Variants in EIF4A3 observed in about 807,000 individuals in gnomAD.
EIF4A3 encodes the protein eukaryotic initiation factor 4A-III.
A neutral mutation model predicts 55.6 loss-of-function variants in EIF4A3; 1 was observed. The observed-to-expected ratio is 0.02, with a 90% CI of 0.01 to 0.09. The LOEUF (loss-of-function observed/expected upper bound fraction) is 0.09, where lower values mean the gene tolerates loss of function less well. EIF4A3 is among the 10% of genes least tolerant of loss of function. EIF4A3 has a pLI of 1.00. For synonymous variants in EIF4A3, 194 were observed against 196.3 expected (o/e 0.99, Z 0.10); for missense variants, 221 against 540.7 (o/e 0.41, Z 5.86).
At chr17:80,144,490 T>C (rs1355474539) in intron 1 of EIF4A3, among the ~76,000 whole-genome samples, 3 of 149,570 alleles carry the variant, frequency 2.0e-5, no homozygotes, top group Non-Finnish European at 4.5e-5. Flanking sequence ...AATTGTAGAA[T>C]ATAGACAACA....
intron 4 of EIF4A3, 41 bp downstream of exon 4, chr17:80,141,278 A>C: frequency 6.4e-7 from 1 of 1,571,886 alleles, no homozygotes; most frequent in Non-Finnish European, 8.7e-7. Flanking sequence ...TCACAAAAGC[A>C]GTACTTGTTA....
chr17:80,140,023 G>A lies in EIF4A3; in HGVS notation c.490C>T (p.Pro164Ser), dbSNP rs777174636. The change falls in exon 5 of 12, where the codon CCA becomes TCA. Residue 164 changes from proline (P) to serine (S), a missense_variant. Transcript: ENST00000649764. ...DYGQHVVAGTPGRVFDMIRRR... is the reference protein window; with the variant it reads ...DYGQHVVAGTSGRVFDMIRRR... ...AAGTGCTTACCAAAAACACGCCCTG[G>A]AGTGCCCGCGACAACATGCTGTCCG... The A allele has an allele frequency of 6.2e-7, 1 of 1,612,578 alleles. No individual in the cohort carries two copies. The highest frequency in any genetic ancestry group is 8.5e-7 in the Non-Finnish European group (1 of 1,179,592).
At position 80,138,295 on chromosome 17, in the gene EIF4A3, C is replaced by G. The variant is rs1436249497; in HGVS notation, c.729-15G>C. 1 of 1,613,194 alleles carries G rather than the reference C, an allele frequency of 6.2e-7. No homozygotes were observed. Among genetic ancestry groups the G allele is most frequent in the East Asian group, 2.2e-5 (1 of 44,882 alleles). ...TCAATTCATCACTGAAGGACAAAGA[C>G]AAATCCTGTTACATACTCATCCTTC... is the stretch of plus-strand genomic sequence containing the variant. On this transcript the variant is annotated splice_polypyrimidine_tract_variant and intron_variant, in intron 7 of 11. Coordinates refer to ENST00000649764, the MANE Select transcript of EIF4A3 (RefSeq NM_014740.4).
At chr17:80,140,932 A>C (rs12452246) in intron 4 of EIF4A3, among the ~76,000 whole-genome samples, 43,417 of 151,844 alleles carry the variant, frequency 0.29, 6,340 homozygotes, top group Middle Eastern at 0.38. Flanking sequence ...AGTAGCTGGG[A>C]TTACAGGCGC....
chr17:80,144,043 G>T, intron 2 of EIF4A3, 129 bp downstream of exon 2: 2 of 867,990 alleles, frequency 2.3e-6, no homozygotes, highest in Non-Finnish European at 3.8e-6. Flanking sequence ...AAACCCTGTG[G>T]CTAAAGTCAG....
chr17:80,146,632 G>T (rs545394962), intron 1 of EIF4A3, among the ~76,000 whole-genome samples, 161 bp downstream of exon 1: 1 of 152,122 alleles, frequency 6.6e-6, no homozygotes, highest in Non-Finnish European at 1.5e-5. Flanking sequence ...GGGCGAGGAC[G>T]GGGGTGGGGG....
At position 80,139,742 on chromosome 17, in the gene EIF4A3, G is replaced by A. The variant is rs200525685; in HGVS notation, c.514C>T (p.Arg172Cys). 9.3e-6 allele frequency: 15 copies of A among 1,612,796 alleles called. No homozygotes were observed. The highest frequency in any genetic ancestry group is 1.3e-5 in the African/African-American group (1 of 74,792). ...GTPGRVFDMI[R>C]RRSLRTRAIK... ...GCACGTGTCCTTAGGCTTCTGCGAC[G>A]AATCATATCTATAACATGAGATTTT... is the stretch of plus-strand genomic sequence containing the variant. The change falls in exon 6 of 12, where the codon CGT (arginine) becomes TGT (cysteine). Residue 172 changes from arginine (R) to cysteine (C), a missense_variant. This residue lies in a region of EIF4A3 where 85 missense variants were observed against 205.8 expected (regional missense o/e 0.41). Transcript: ENST00000649764.
Position 80,135,493 on chromosome 17 carries a change from G to T in EIF4A3, c.1233C>A (p.Ile411=). 7 of 1,558,032 alleles carry T rather than the reference G, an allele frequency of 4.5e-6. No homozygotes were observed. Among genetic ancestry groups the T allele is most frequent in the Non-Finnish European group, 6.1e-6 (7 of 1,150,104 alleles). Residue 411 remains isoleucine, a synonymous_variant, in exon 12 of 12, where the codon ATC becomes ATA. Coordinates refer to ENST00000649764, the MANE Select transcript of EIF4A3 (RefSeq NM_014740.4). ...DEMPMNVADL[I] Reference sequence around the variant, plus strand: ...CTCATCCCACTGATCTGCTGCTTCAGATAAGATCAGCAACTGAAAGTGAAG... The same window carrying T: ...CTCATCCCACTGATCTGCTGCTTCATATAAGATCAGCAACTGAAAGTGAAG...
chr17:80,139,712 T>C lies in EIF4A3; in HGVS notation c.544A>G (p.Lys182Glu), dbSNP rs377598321. The C allele has an allele frequency of 6.2e-7, 1 of 1,613,944 alleles. No homozygotes were observed. The highest frequency in any genetic ancestry group is 1.3e-5 in the African/African-American group (1 of 74,920). ...TCAGCTTCATCCAAAACCAACATTT[T>C]GATAGCACGTGTCCTTAGGCTTCTG... ...RRRSLRTRAI[K>E]MLVLDEADEM... The change falls in exon 6 of 12, where the codon AAA becomes GAA. Residue 182 changes from lysine to glutamate, a missense_variant. By Grantham distance (56) the Lys-to-Glu change is moderately conservative (BLOSUM62 1). This residue lies in a region of EIF4A3 where 85 missense variants were observed against 205.8 expected (regional missense o/e 0.41). Transcript: ENST00000649764.
At chr17:80,138,615 G>A (rs1383332470) in intron 7 of EIF4A3, 1 of 350,004 alleles carries the variant, frequency 2.9e-6, no homozygotes, top group Non-Finnish European at 5.3e-6. Context: ...TGTTTTGTTT[G>A]AGACAGGGTC....
intron 5 of EIF4A3, 82 bp downstream of exon 5, chr17:80,139,925 CA>C: frequency 6.4e-7 from 1 of 1,556,012 alleles, no homozygotes. Context: ...TGCGGCCTAC[CA>C]AATCGAAAGC....
rs561292948 is a variant in EIF4A3, at chr17:80,147,088, T to C, written c.-127A>G. ...CGCTGTGCCGCTGCCGACCTCGCTG[T>C]GCCGCTGCCGACCTCGCTGTGCCGC... On this transcript the variant is annotated 5_prime_UTR_variant, in exon 1 of 12. Transcript: ENST00000649764. The C allele has an allele frequency of 8.1e-4, 1,070 of 1,316,406 alleles. 11 individuals carry two copies. Among genetic ancestry groups the C allele is most frequent in the African/African-American group, 3.8e-3 (217 of 56,958 alleles). The allele number at this position is 1,316,406 out of a possible 1,614,324, so 81.5% of individuals were successfully genotyped here.
At chr17:80,136,177 G>A in intron 10 of EIF4A3, 46 bp from the exon 11 acceptor site, 1 of 1,613,304 alleles carries the variant, frequency 6.2e-7, no homozygotes, top group South Asian at 1.1e-5. Context: ...TAACAATCAA[G>A]ATTTAGTAAA....
chr17:80,139,253 G>A (rs2143990023), intron 6 of EIF4A3, 91 bp from the exon 7 acceptor site: 1 of 1,520,656 alleles, frequency 6.6e-7, no homozygotes, highest in Non-Finnish European at 8.9e-7. Context: ...TGGGTTAGAG[G>A]CAGAGTGGTG....
chr17:80,139,562 A>C, intron 6 of EIF4A3, 108 bp downstream of exon 6: 1 of 957,306 alleles, frequency 1.0e-6, no homozygotes, highest in Non-Finnish European at 1.6e-6. Context: ...CCACGATGAA[A>C]ACACTATTCA....
At chr17:80,136,399 T>C (rs546635949) in intron 9 of EIF4A3, 64 bp from the exon 10 acceptor site, 2 of 1,343,848 alleles carry the variant, frequency 1.5e-6, no homozygotes, top group East Asian at 4.6e-5. Context: ...CTGGACTTGC[T>C]TCCATTGCTA....
rs2039641830 is a variant in EIF4A3, at chr17:80,144,375, G to A, written c.170-131C>T. On this transcript the variant is annotated intron_variant, in intron 1 of 11. Transcript: ENST00000649764. ...CCAGCCTAACCCAGTGTTCAACATAGCAAGCTCTCAAAACCCAGGGGCTCA... is the reference window on the plus strand; with the variant it reads ...CCAGCCTAACCCAGTGTTCAACATAACAAGCTCTCAAAACCCAGGGGCTCA... 6.5e-6 allele frequency: 5 copies of A among 763,566 alleles called. No homozygotes were observed. The South Asian group carries it at 7.9e-5, about 12-fold the overall frequency. 47.3% of individuals were successfully genotyped at this position (763,566 alleles called of 1,614,324 possible).
intron 7 of EIF4A3, chr17:80,138,563 T>C (rs964058629): frequency 1.2e-5 from 5 of 420,894 alleles, no homozygotes; most frequent in Non-Finnish European, 2.2e-5. Context: ...TTTAGAATTA[T>C]TGGTTCAAAC....
Position 80,139,177 on chromosome 17 carries a change from A to G in EIF4A3, c.587-15T>C, listed in dbSNP as rs1314304165. ...CTCTTTGAAACCTGGGACAGGGAGC[A>G]AGACAGGTGAGGGATGTTTAGGGCG... is the stretch of plus-strand genomic sequence containing the variant. On this transcript the variant is annotated splice_polypyrimidine_tract_variant and intron_variant, in intron 6 of 11. Transcript: ENST00000649764. The G allele has an allele frequency of 1.2e-6, 2 of 1,613,842 alleles. No homozygotes were observed. Among genetic ancestry groups the G allele is most frequent in the Non-Finnish European group, 1.7e-6 (2 of 1,179,938 alleles).
Sources: allele counts gnomAD v4.1 joint callset (sites outside exome capture counted in the v4.1 genomes callset), GRCh38; gene constraint gnomAD v4.1.1; regional missense constraint gnomAD v4.1.1; transcripts MANE v1.5; gene names NCBI Gene and HGNC (gene_info 2026-07-23, HGNC 2026-07-21).